The following CEACAM4 variants were observed in gnomAD, a reference collection of about 807,000 sequenced individuals.
The protein encoded by CEACAM4 is CEA cell adhesion molecule 4, also known as cell adhesion molecule CEACAM4.
A neutral mutation model predicts 28.7 loss-of-function variants in CEACAM4; 30 were observed. That is an observed-to-expected ratio of 1.05 (90% CI 0.78 to 1.42). The LOEUF (loss-of-function observed/expected upper bound fraction) is 1.42, where lower values mean the gene tolerates loss of function less well. Ranked by LOEUF, CEACAM4 falls within the 40% of genes most tolerant of loss-of-function variation. The probability of loss-of-function intolerance (pLI) is 0.00; values close to 1 mark genes in which losing one functional copy is unlikely to be tolerated. For synonymous variants in CEACAM4, 143 were observed against 126.5 expected, an observed-to-expected ratio of 1.13 and a Z score of -0.87; for missense variants, 330 against 308.2, an observed-to-expected ratio of 1.07 and a Z score of -0.53.
chr19:41,616,580 G>A (rs1435671171), downstream of CEACAM4, among the ~76,000 whole-genome samples: 1 of 152,000 alleles, frequency 6.6e-6, no homozygotes, highest in Non-Finnish European at 1.5e-5. Context: ...ACTTGTCCCT[G>A]AGGAGGATTA....
intron 2 of CEACAM4, among the ~76,000 whole-genome samples, chr19:41,622,054 A>G (rs1600363804): frequency 6.7e-6 from 1 of 149,932 alleles, no homozygotes; most frequent in Non-Finnish European, 1.5e-5. Flanking sequence ...CTCTCATGTC[A>G]CACCTCTTCC....
In CEACAM4 at chr19:41,620,576, A is replaced by G; in HGVS notation, c.594T>C (p.Pro198=). The change falls in exon 4 of 7, where the codon CCT becomes CCC. Residue 198 remains proline (P), a splice_region_variant and synonymous_variant. Transcript: ENST00000221954. ...LREQPPPAST[P]GHGPSHRSTF... ...CACCTGGGCTGAAGGGACACTCACC[A>G]GGGGTGGAGGCTGGGGGCGGCTGCT... 6.2e-7 allele frequency: 1 copy of G among 1,612,258 alleles called. No individual in the cohort carries two copies. Among genetic ancestry groups the G allele is most frequent in the Non-Finnish European group, 8.5e-7 (1 of 1,178,920 alleles).
At chr19:41,618,110 T>C (rs1555799364), downstream of CEACAM4, among the ~76,000 whole-genome samples, 2 of 149,088 alleles carry the variant, frequency 1.3e-5, no homozygotes. Flanking sequence ...CTATATGAGA[T>C]CATCACCCTT....
At chr19:41,620,325 C>T (rs2071193805) in intron 4 of CEACAM4, 83 bp from the exon 5 acceptor site, 2 of 1,258,220 alleles carry the variant, frequency 1.6e-6, no homozygotes, top group Non-Finnish European at 2.1e-6. Context: ...GTCCTCAGCT[C>T]CCAGAGAATC....
At chr19:41,625,994 G>A (rs781872845) in intron 1 of CEACAM4, 34 bp from the exon 2 acceptor site, 10 of 1,570,634 alleles carry the variant, frequency 6.4e-6, no homozygotes, top group Admixed American at 5.5e-5. Context: ...TCAATACTGG[G>A]ACCTATGGAG....
downstream of CEACAM4, among the ~76,000 whole-genome samples, chr19:41,617,817 A>G (rs965522556): frequency 6.6e-6 from 1 of 152,206 alleles, no homozygotes; most frequent in East Asian, 1.9e-4. Flanking sequence ...TCAGGTTTCT[A>G]TGTCACTAAG....
rs112328585 is a variant in CEACAM4 at position 41,620,868 on chromosome 19, C to T, written c.543-241G>A. On this transcript the variant is annotated intron_variant, in intron 3 of 6. Coordinates refer to ENST00000221954, the MANE Select transcript of CEACAM4 (RefSeq NM_001817.4). ...AGATGCCGGGTGAGGAGAACATTGA[C>T]CCAGGGACCCAGGAAAGGGACTGAG... is the stretch of plus-strand genomic sequence containing the variant. 8.8e-3 allele frequency among the ~76,000 whole-genome samples: 1,336 copies of T among 151,910 alleles called. 21 individuals carry two copies. Among genetic ancestry groups the T allele is most frequent in the African/African-American group, 0.031 (1,264 of 41,376 alleles).
chr19:41,614,282 G>A (rs1162840381), downstream of CEACAM4, among the ~76,000 whole-genome samples: 1 of 152,204 alleles, frequency 6.6e-6, no homozygotes, highest in Admixed American at 6.5e-5. Context: ...ATGTATTTAT[G>A]AAGTACCCTG....
At chr19:41,625,510 G>C (rs1192101112) in intron 2 of CEACAM4, 91 bp downstream of exon 2, 13 of 1,435,894 alleles carry the variant, frequency 9.1e-6, no homozygotes, top group East Asian at 2.3e-5. Context: ...AAAATGCAGA[G>C]GGGGATGCAG....
chr19:41,625,110 C>T (rs1555803244), intron 2 of CEACAM4, among the ~76,000 whole-genome samples: 1 of 152,182 alleles, frequency 6.6e-6, no homozygotes, highest in Non-Finnish European at 1.5e-5. Context: ...GGAGCTGAGC[C>T]CTCACTGATG....
chr19:41,618,034 G>A (rs1028384034), downstream of CEACAM4, among the ~76,000 whole-genome samples: 13 of 152,200 alleles, frequency 8.5e-5, no homozygotes, highest in African/African-American at 2.9e-4. Context: ...CTTGGGAACT[G>A]TGGCTCTGTG....
At chr19:41,616,175 A>G (rs1443638946), downstream of CEACAM4, among the ~76,000 whole-genome samples, 3 of 152,086 alleles carry the variant, frequency 2.0e-5, no homozygotes, top group African/African-American at 7.2e-5. Context: ...GACTACAGGC[A>G]TGAGCCACCA....
chr19:41,620,289 G>C (rs1046641710), intron 4 of CEACAM4, 47 bp from the exon 5 acceptor site: 10 of 1,412,262 alleles, frequency 7.1e-6, no homozygotes, highest in Non-Finnish European at 8.4e-6. Context: ...GGAGAGCCTG[G>C]GCCCCTCCTG....
rs1555800040 is a variant in CEACAM4, at chr19:41,619,339, C to G, written c.726G>C (p.Val242=). Residue 242 remains valine (V), a synonymous_variant, in exon 7 of 7, where the codon GTG becomes GTC. Coordinates refer to ENST00000221954, the MANE Select transcript of CEACAM4 (RefSeq NM_001817.4). ...CAGCTCCCAGAGGAACCTAAGAGACCACATCTGCTTTGTGGTCGATCTGGC... is the reference window on the plus strand; with the variant it reads ...CAGCTCCCAGAGGAACCTAAGAGACGACATCTGCTTTGTGGTCGATCTGGC... ...IYCQIDHKAD[V]VS 6.2e-7 allele frequency: 1 copy of G among 1,613,836 alleles called. No homozygotes were observed. The highest frequency in any genetic ancestry group is 8.5e-7 in the Non-Finnish European group (1 of 1,179,868).
At position 41,625,883 on chromosome 19, in the gene CEACAM4, C is replaced by A; in HGVS notation, c.142G>T (p.Gly48Ter). The A allele has an allele frequency of 6.2e-7, 1 of 1,613,918 alleles. No homozygotes were observed. The highest frequency in any genetic ancestry group is 8.5e-7 in the Non-Finnish European group (1 of 1,179,928). Reference sequence around the variant, plus strand: ...CAGGCCAGTAGAAGAACATCCTTTCCCTCTGCAGCACTGGACGGCAGGGCT... The same window carrying A: ...CAGGCCAGTAGAAGAACATCCTTTCACTCTGCAGCACTGGACGGCAGGGCT... Reference protein sequence around the residue: ...IEALPSSAAEGKDVLLLACNI... With the variant: ...IEALPSSAAE The change falls in exon 2 of 7, where the codon GGA becomes TGA. Residue 48 changes from glycine to a stop codon, truncating the protein, a stop_gained. Transcript: ENST00000221954. LOFTEE classifies it high-confidence loss of function.
chr19:41,623,207 G>A (rs1016193715), intron 2 of CEACAM4, among the ~76,000 whole-genome samples: 30 of 152,168 alleles, frequency 2.0e-4, no homozygotes, highest in Non-Finnish European at 2.1e-4. Flanking sequence ...TAGTAGAGAC[G>A]GGGTTTTGCC....
At chr19:41,618,779 G>A (rs1555799647), downstream of CEACAM4, among the ~76,000 whole-genome samples, 1 of 152,178 alleles carries the variant, frequency 6.6e-6, no homozygotes, top group African/African-American at 2.4e-5. Flanking sequence ...TTGGTCCCTG[G>A]GGTAGTGTGA....
At chr19:41,620,264 A>G in intron 4 of CEACAM4, 22 bp from the exon 5 acceptor site, 6 of 1,459,634 alleles carry the variant, frequency 4.1e-6, no homozygotes, top group Non-Finnish European at 5.4e-6. Flanking sequence ...GACAGGAGTG[A>G]GCAGCAGGGT....
rs140120541 is a variant in CEACAM4, at chr19:41,626,957, G to T, written c.7C>A (p.Pro3Thr). Residue 3 changes from proline to threonine, a missense_variant, in exon 1 of 7, where the codon CCC becomes ACC. Pro to Thr is a conservative substitution (Grantham distance 38). Coordinates refer to ENST00000221954, the MANE Select transcript of CEACAM4 (RefSeq NM_001817.4). ...CCTCCACGGGGAGCGGCTGAGGGGG[G>T]GCCCATGGTCTCTGCTGCCTGCTTG... The part of the protein sequence containing the change: MG[P>T]PSAAPRGGHR... 56 of 1,604,536 alleles carry T rather than the reference G, an allele frequency of 3.5e-5. No individual in the cohort carries two copies. The highest frequency in any genetic ancestry group is 2.1e-4 in the African/African-American group (16 of 74,534).
Sources: allele counts gnomAD v4.1 joint callset (sites outside exome capture counted in the v4.1 genomes callset), GRCh38; gene constraint gnomAD v4.1.1; transcripts MANE v1.5; gene names NCBI Gene and HGNC (gene_info 2026-07-23, HGNC 2026-07-21).